Variants in KCNAB2 observed in about 807,000 individuals in gnomAD.
KCNAB2 encodes potassium voltage-gated channel subfamily A regulatory beta subunit 2.
In KCNAB2, 29 loss-of-function variants were observed where a neutral mutation model predicts 63.6. The observed-to-expected ratio is 0.46, with a 90% CI of 0.34 to 0.62. The LOEUF is 0.62. KCNAB2 is among the 20% of genes least tolerant of loss of function. KCNAB2 has a pLI of 0.01. For missense variants in KCNAB2, 359 were observed against 563.9 expected (o/e 0.64, Z 3.68); for synonymous variants, 222 against 224.2 (o/e 0.99, Z 0.09).
At chr1:6,016,478 C>T (rs1365691572) in intron 1 of KCNAB2, among the ~76,000 whole-genome samples, 1 of 152,242 alleles carries the variant, frequency 6.6e-6, no homozygotes, top group Admixed American at 6.5e-5. Flanking sequence ...ACAGAGCATC[C>T]TTTCAATAGA....
chr1:6,093,284 G>A (rs1396595346), intron 10 of KCNAB2, among the ~76,000 whole-genome samples: 1 of 152,220 alleles, frequency 6.6e-6, no homozygotes, highest in African/African-American at 2.4e-5. Context: ...CACTGCCTTT[G>A]GCGGTCGAAC....
chr1:6,094,242 C>A (rs1665428127), intron 10 of KCNAB2, among the ~76,000 whole-genome samples, 158 bp from the exon 11 acceptor site: 1 of 152,186 alleles, frequency 6.6e-6, no homozygotes. Flanking sequence ...AAACCCCTCC[C>A]ACACCCAACT....
At chr1:6,017,187 A>T (rs1658556206) in intron 1 of KCNAB2, among the ~76,000 whole-genome samples, 1 of 152,150 alleles carries the variant, frequency 6.6e-6, no homozygotes, top group South Asian at 2.1e-4. Flanking sequence ...AGAGGTGTAG[A>T]TTCTGCAAGG....
Position 6,028,367 on chromosome 1 carries a change from G to A in KCNAB2, c.-52-12150G>A, listed in dbSNP as rs917185499. 3.9e-5 allele frequency among the ~76,000 whole-genome samples: 6 copies of A among 152,228 alleles called. No individual in the cohort carries two copies. The highest frequency in any genetic ancestry group is 6.5e-5 in the Admixed American group (1 of 15,288). On this transcript the variant is annotated intron_variant, in intron 1 of 16. Transcript: ENST00000341524. This position sits in a 1 kb window ranked among gnomAD's most constrained non-coding sequence, Gnocchi z 4.0. ...TGGCACGCAGAACAAGCAGACCATGGTTTTGTGTTATACAGTAGTCACGGC... is the reference window on the plus strand; with the variant it reads ...TGGCACGCAGAACAAGCAGACCATGATTTTGTGTTATACAGTAGTCACGGC...
Position 6,028,987 on chromosome 1 carries a change from G to A in KCNAB2, c.-52-11530G>A, listed in dbSNP as rs1478661901. On this transcript the variant is annotated intron_variant, in intron 1 of 16. Coordinates refer to the KCNAB2 transcript ENST00000341524. The surrounding 1 kb of genome is among the most constrained non-coding windows in gnomAD (Gnocchi z 4.0). ...GTCCCGCCATGACGCCCTGAGGCGT[G>A]GGTTCACACTTGGGTGTGGCTGGTC... is the stretch of plus-strand genomic sequence containing the variant. Among the ~76,000 whole-genome samples, 1 of 152,216 alleles carries A rather than the reference G, an allele frequency of 6.6e-6. No individual in the cohort carries two copies.
At chr1:6,023,413 C>A (rs1281527092) in intron 1 of KCNAB2, among the ~76,000 whole-genome samples, 1 of 149,528 alleles carries the variant, frequency 6.7e-6, no homozygotes, top group Non-Finnish European at 1.5e-5. Flanking sequence ...TACATTCCCA[C>A]CAACAGTGCA....
chr1:6,077,744 C>T lies in KCNAB2; in HGVS notation c.300+3974C>T, dbSNP rs142453844. On this transcript the variant is annotated intron_variant, in intron 4 of 15. Coordinates refer to ENST00000378083, the MANE Select transcript of KCNAB2 (RefSeq NM_001199862.2). ...GCAGAGCCAGGAGCATCCGGGGCCC[C>T]GCCTCAGGCTTGCGGAGCCCCTGCC... Among the ~76,000 whole-genome samples, 396 of 152,290 alleles carry T rather than the reference C, an allele frequency of 2.6e-3. 1 individual carries two copies. The highest frequency in any genetic ancestry group is 0.01 in the Middle Eastern group (3 of 294).
chr1:6,041,994 C>T (rs545420029), upstream of KCNAB2: 3 of 835,986 alleles, frequency 3.6e-6, no homozygotes, highest in South Asian at 4.2e-5. Flanking sequence ...CCCCCGAGAC[C>T]CCCAGGCTCT....
intron 1 of KCNAB2, among the ~76,000 whole-genome samples, chr1:6,039,732 C>T (rs779783372): frequency 2.0e-5 from 3 of 152,158 alleles, no homozygotes; most frequent in Non-Finnish European, 2.9e-5. Flanking sequence ...CTCCCTCGTT[C>T]GTTTGAAGGA....
chr1:6,062,164 A>C (rs1006281921), intron 2 of KCNAB2, among the ~76,000 whole-genome samples: 8 of 152,016 alleles, frequency 5.3e-5, no homozygotes, highest in Admixed American at 6.6e-5. Flanking sequence ...AATACAAAAA[A>C]TTAGCCGAGC....
upstream of KCNAB2, among the ~76,000 whole-genome samples, chr1:6,043,620 T>G (rs1239185672): frequency 6.6e-6 from 1 of 152,206 alleles, no homozygotes; most frequent in Non-Finnish European, 1.5e-5. Context: ...CTAGGGTCTT[T>G]GTTTGTTAAC....
intron 1 of KCNAB2, chr1:5,992,810 G>C (rs1048385076): frequency 6.6e-6 from 1 of 152,050 alleles, no homozygotes; most frequent in Non-Finnish European, 1.5e-5. Flanking sequence ...GGAGACCCCG[G>C]CGGGGCGCGC....
chr1:6,049,539 T>C (rs1570955728), intron 1 of KCNAB2, among the ~76,000 whole-genome samples: 1 of 152,018 alleles, frequency 6.6e-6, no homozygotes, highest in African/African-American at 2.4e-5. Flanking sequence ...CAGACAGAGG[T>C]GCAGAGGTGC....
At chr1:6,053,008 C>CG (rs753745927) in intron 2 of KCNAB2, among the ~76,000 whole-genome samples, 32 of 152,080 alleles carry the variant, frequency 2.1e-4, no homozygotes, top group Non-Finnish European at 4.4e-4. Flanking sequence ...GCTCCTTTAA[C>CG]GTTTTCTCCT....
Position 6,087,892 on chromosome 1 carries a change from T to G in KCNAB2, c.470+381T>G, listed in dbSNP as rs72862389. Reference sequence around the variant, plus strand: ...AAAAATTATAGAGAAAACAGAAAATTTGTGAACTGCCCAAACCCCCAAAGC... The same window carrying G: ...AAAAATTATAGAGAAAACAGAAAATGTGTGAACTGCCCAAACCCCCAAAGC... On this transcript the variant is annotated intron_variant, in intron 7 of 15. Coordinates refer to ENST00000378083, the MANE Select transcript of KCNAB2 (RefSeq NM_001199862.2). The surrounding 1 kb of genome is among the most constrained non-coding windows in gnomAD (Gnocchi z 6.4). 4.1e-3 allele frequency among the ~76,000 whole-genome samples: 620 copies of G among 152,250 alleles called. 2 individuals are homozygous for G. The highest frequency in any genetic ancestry group is 0.014 in the African/African-American group (578 of 41,522).
At chr1:6,090,558 AT>A in intron 9 of KCNAB2, 83 bp downstream of exon 9, 4 of 1,085,192 alleles carry the variant, frequency 3.7e-6, no homozygotes, top group Non-Finnish European at 5.5e-6. Flanking sequence ...GGCCGCCAGC[AT>A]GGGCCCTGCT....
chr1:6,035,421 G>T lies in KCNAB2; in HGVS notation c.-53+627G>T, dbSNP rs568788895. 1.3e-5 allele frequency among the ~76,000 whole-genome samples: 2 copies of T among 152,152 alleles called. No homozygotes were observed. Among genetic ancestry groups the T allele is most frequent in the Admixed American group, 1.3e-4 (2 of 15,284 alleles). On this transcript the variant is annotated intron_variant, in intron 1 of 15. Transcript: ENST00000164247. This position sits in a 1 kb window ranked among gnomAD's most constrained non-coding sequence, Gnocchi z 5.0. Reference sequence around the variant, plus strand: ...TCTGCCGGCGGGGGTGGAGGTGGGCGCAGGGAATGCTGTGAGGAGCAGCAT... The same window carrying T: ...TCTGCCGGCGGGGGTGGAGGTGGGCTCAGGGAATGCTGTGAGGAGCAGCAT...
rs940449595 is a variant in KCNAB2, at chr1:6,099,492, G to A, written c.*918G>A. ...TGTGGTCATGTGCTCCTAGCTGCAC[G>A]GTGGCTGCTGGCCACACCACGGCAA... On this transcript the variant is annotated 3_prime_UTR_variant, in exon 16 of 16. Coordinates refer to ENST00000378083, the MANE Select transcript of KCNAB2 (RefSeq NM_001199862.2). The A allele has an allele frequency of 3.0e-5, 9 of 297,408 alleles. No individual in the cohort carries two copies. Among genetic ancestry groups the A allele is most frequent in the East Asian group, 6.1e-5 (1 of 16,506 alleles). The allele number at this position is 297,408 out of a possible 1,614,324, so 18.4% of individuals were successfully genotyped here.
chr1:6,007,187 G>A (rs1210903532), intron 1 of KCNAB2, among the ~76,000 whole-genome samples: 1 of 136,244 alleles, frequency 7.3e-6, no homozygotes, highest in Non-Finnish European at 1.6e-5. Context: ...GGGCCTCCCT[G>A]CCCAGTCACT....
Sources: allele counts gnomAD v4.1 joint callset (sites outside exome capture counted in the v4.1 genomes callset), GRCh38; gene constraint gnomAD v4.1.1; non-coding constraint Gnocchi (gnomAD v3.1); transcripts MANE v1.5; gene names NCBI Gene and HGNC (gene_info 2026-07-23, HGNC 2026-07-21).